Variants in ACTR3C observed in about 807,000 individuals in gnomAD.
The protein encoded by ACTR3C is actin related protein 3C.
Under a neutral mutation model 26.3 loss-of-function variants are expected in ACTR3C, and 18 were observed. The observed-to-expected ratio is 0.68, with a 90% CI of 0.47 to 1.01. The LOEUF is 1.01. Ranked by LOEUF, ACTR3C falls within the 50% of genes least tolerant of loss-of-function variation. The pLI, the probability that ACTR3C is intolerant of heterozygous loss-of-function variation, is 0.00. For synonymous variants in ACTR3C, 55 were observed against 94.5 expected (o/e 0.58, Z 2.42); for missense variants, 184 against 250.7 (o/e 0.73, Z 1.80).
chr7:149,988,397 C>T, the ACTR3C span, among the ~76,000 whole-genome samples: 1 of 152,206 alleles, frequency 6.6e-6, no homozygotes, highest in Non-Finnish European at 1.5e-5. Context: ...AGGCGGAGAG[C>T]ATCGGTGTTC....
At chr7:150,034,476 C>G in the ACTR3C span, among the ~76,000 whole-genome samples, 1 of 151,474 alleles carries the variant, frequency 6.6e-6, no homozygotes, top group East Asian at 1.9e-4. Flanking sequence ...TTCCATGTCC[C>G]CGCCCCCTTT....
the ACTR3C span, among the ~76,000 whole-genome samples, chr7:149,936,946 T>C: frequency 2.6e-5 from 4 of 151,444 alleles, no homozygotes; most frequent in East Asian, 3.9e-4. Flanking sequence ...TGTGCCACCA[T>C]ACCCAGCTAA....
At chr7:150,289,143 A>C (rs1383740401) in intron 4 of ACTR3C, among the ~76,000 whole-genome samples, 1 of 152,110 alleles carries the variant, frequency 6.6e-6, no homozygotes, top group East Asian at 1.9e-4. Context: ...GGCAGTATGG[A>C]AGGAGCGCTC....
chr7:150,194,950 C>T, the ACTR3C span, among the ~76,000 whole-genome samples: 6,789 of 151,714 alleles, frequency 0.045, 348 homozygotes, highest in East Asian at 0.16. Flanking sequence ...AAAAATTAGC[C>T]GAGAGTGATG....
At chr7:149,927,867 C>T in the ACTR3C span, among the ~76,000 whole-genome samples, 1 of 152,224 alleles carries the variant, frequency 6.6e-6, no homozygotes, top group East Asian at 1.9e-4. Context: ...CGCCAACTAA[C>T]TGCTGTCACC....
At chr7:150,199,011 G>A in the ACTR3C span, among the ~76,000 whole-genome samples, 89 of 143,446 alleles carry the variant, frequency 6.2e-4, 1 homozygote, top group Non-Finnish European at 1.0e-3. Flanking sequence ...CCGGCCAGCC[G>A]CCCCGTCCGG....
chr7:150,056,356 T>C, the ACTR3C span, among the ~76,000 whole-genome samples: 6 of 152,138 alleles, frequency 3.9e-5, no homozygotes, highest in Non-Finnish European at 8.8e-5. Context: ...AATGAAACCA[T>C]GTATCTGCTT....
chr7:150,201,945 C>T, the ACTR3C span, among the ~76,000 whole-genome samples: 8 of 152,146 alleles, frequency 5.3e-5, no homozygotes, highest in Non-Finnish European at 4.4e-5. Flanking sequence ...TAAGTGGAAG[C>T]GTTTGCCTCA....
the ACTR3C span, among the ~76,000 whole-genome samples, chr7:150,079,377 A>G: frequency 6.6e-6 from 1 of 152,172 alleles, no homozygotes; most frequent in South Asian, 2.1e-4. Context: ...GAAAGTGGTG[A>G]CAGCCCAGTC....
At chr7:150,059,488 G>C in the ACTR3C span, among the ~76,000 whole-genome samples, 1 of 152,154 alleles carries the variant, frequency 6.6e-6, no homozygotes, top group Non-Finnish European at 1.5e-5. Context: ...ATGCTCGAAG[G>C]CCTCTTAAAT....
chr7:150,264,082 G>A (rs925353227), intron 6 of ACTR3C, among the ~76,000 whole-genome samples: 2 of 152,272 alleles, frequency 1.3e-5, no homozygotes, highest in Admixed American at 1.3e-4. Flanking sequence ...ACCACCCCAC[G>A]AGTAGGCCCC....
chr7:150,220,700 C>T, the ACTR3C span, among the ~76,000 whole-genome samples: 1 of 152,254 alleles, frequency 6.6e-6, no homozygotes, highest in Admixed American at 6.5e-5. Context: ...CTCTTTCCTG[C>T]GCAAGGGGTG....
At chr7:150,041,749 CA>C in the ACTR3C span, among the ~76,000 whole-genome samples, 559 of 124,766 alleles carry the variant, frequency 4.5e-3, 16 homozygotes, top group African/African-American at 0.016. Flanking sequence ...TCCTAAGAGC[CA>C]GGGGGGGGAA....
At chr7:149,935,895 C>A in the ACTR3C span, among the ~76,000 whole-genome samples, 4 of 152,082 alleles carry the variant, frequency 2.6e-5, no homozygotes, top group African/African-American at 4.8e-5. Context: ...TCCTGACTGC[C>A]CCTGAGTAGA....
chr7:150,078,603 G>A, the ACTR3C span, among the ~76,000 whole-genome samples: 2 of 151,444 alleles, frequency 1.3e-5, no homozygotes, highest in Non-Finnish European at 2.9e-5. Flanking sequence ...CATTGAGAGG[G>A]GGAGTTGAAT....
At chr7:150,009,879 C>T in the ACTR3C span, among the ~76,000 whole-genome samples, 1 of 152,230 alleles carries the variant, frequency 6.6e-6, no homozygotes, top group Non-Finnish European at 1.5e-5. Context: ...TGCTCTCACT[C>T]TCTCCCTCCA....
At chr7:150,086,023 C>T in the ACTR3C span, among the ~76,000 whole-genome samples, 1 of 151,566 alleles carries the variant, frequency 6.6e-6, no homozygotes, top group African/African-American at 2.4e-5. Context: ...GTCACCCAGG[C>T]TGGAGTACAG....
the ACTR3C span, among the ~76,000 whole-genome samples, chr7:150,078,063 A>T: frequency 2.0e-5 from 3 of 152,186 alleles, no homozygotes; most frequent in Admixed American, 6.5e-5. Flanking sequence ...AGGGGGGAGC[A>T]TCCATGGCAG....
chr7:150,313,824 C>T (rs548148508), intron 1 of ACTR3C, among the ~76,000 whole-genome samples: 15 of 152,162 alleles, frequency 9.9e-5, no homozygotes, highest in Non-Finnish European at 1.9e-4. Flanking sequence ...GCTCACTGAG[C>T]CTTCTTGGCA....
Sources: gnomAD v4.1 joint callset for allele counts (sites outside exome capture counted in the v4.1 genomes callset) on GRCh38, gnomAD v4.1.1 for gene constraint, MANE v1.5 for transcripts, NCBI Gene and HGNC (gene_info 2026-07-23, HGNC 2026-07-21) for gene names.